The following HTR4 variants were observed in gnomAD, a reference collection of about 807,000 sequenced individuals.
HTR4 encodes the protein 5-hydroxytryptamine receptor 4, also known as 5-hydroxytryptamine (serotonin) receptor 4, G protein-coupled.
HTR4 carries 16 observed loss-of-function variants against 36.8 expected under a neutral mutation model. That is an observed-to-expected ratio of 0.43 (90% CI 0.29 to 0.66). The LOEUF (loss-of-function observed/expected upper bound fraction) is 0.66. HTR4 is among the 30% of genes least tolerant of loss of function. HTR4 has a pLI of 0.13. For missense variants in HTR4, 438 were observed against 490.9 expected (o/e 0.89, Z 1.02); for synonymous variants, 189 against 185.1 (o/e 1.02, Z -0.17).
intron 2 of HTR4, among the ~76,000 whole-genome samples, chr5:148,560,116 T>G (rs1760130005): frequency 6.6e-6 from 1 of 151,792 alleles, no homozygotes; most frequent in Non-Finnish European, 1.5e-5. Flanking sequence ...ATTTGGCTTA[T>G]ATTACTTTGG....
intron 1 of HTR4, among the ~76,000 whole-genome samples, chr5:148,643,789 A>G (rs190984066): frequency 1.6e-3 from 244 of 152,328 alleles, no homozygotes; most frequent in African/African-American, 5.4e-3. Flanking sequence ...GATCATTTCA[A>G]TCATCAGTGC....
chr5:148,484,406 T>A (rs1227332844), intron 6 of HTR4: 1 of 1,597,306 alleles, frequency 6.3e-7, no homozygotes, highest in Non-Finnish European at 8.5e-7. Context: ...TTATTTGGCA[T>A]GAATTATTAT....
At chr5:148,468,076 A>C (rs1053099115) in intron 5 of HTR4, among the ~76,000 whole-genome samples, 1 of 152,240 alleles carries the variant, frequency 6.6e-6, no homozygotes, top group Admixed American at 6.5e-5. Context: ...AGCCTGGGAT[A>C]GAGCTGAGGT....
chr5:148,599,553 GA>G (rs1296399186), intron 2 of HTR4, among the ~76,000 whole-genome samples: 1 of 150,220 alleles, frequency 6.7e-6, no homozygotes, highest in Non-Finnish European at 1.5e-5. Flanking sequence ...CTTCAAAAGT[GA>G]AAAAAAATGA....
At chr5:148,619,737 A>T (rs1752845330) in intron 2 of HTR4, among the ~76,000 whole-genome samples, 1 of 152,210 alleles carries the variant, frequency 6.6e-6, no homozygotes, top group Admixed American at 6.5e-5. Context: ...CCAAGATTGT[A>T]GAAGCTGTAG....
intron 5 of HTR4, among the ~76,000 whole-genome samples, chr5:148,454,587 A>G (rs1304578874): frequency 1.3e-5 from 2 of 152,206 alleles, no homozygotes; most frequent in African/African-American, 2.4e-5. Context: ...CTCAAGATAT[A>G]GAAGCCTCCC....
chr5:148,636,847 T>C, intron 2 of HTR4, 142 bp downstream of exon 2: 1 of 586,578 alleles, frequency 1.7e-6, no homozygotes, highest in South Asian at 2.6e-5. Context: ...AATCAAACAG[T>C]ACTGTGAACA....
At chr5:148,630,517 G>C (rs1213010581) in intron 2 of HTR4, 1 of 152,128 alleles carries the variant, frequency 6.6e-6, no homozygotes, top group Non-Finnish European at 1.5e-5. Flanking sequence ...TCATCTTTGG[G>C]AGCCTTTGTT....
intron 5 of HTR4, among the ~76,000 whole-genome samples, chr5:148,510,779 G>T (rs1253973022): frequency 6.6e-6 from 1 of 152,198 alleles, no homozygotes; most frequent in African/African-American, 2.4e-5. Context: ...ATGAAGGTTT[G>T]TCTCATTTAG....
At chr5:148,490,516 T>G (rs781748507) in intron 6 of HTR4, 530 of 1,056,150 alleles carry the variant, frequency 5.0e-4, no homozygotes, top group Non-Finnish European at 5.9e-4. Flanking sequence ...TACACTTAAC[T>G]GCACTGTGGG....
intron 2 of HTR4, chr5:148,628,413 G>A (rs892127132): frequency 6.6e-6 from 1 of 152,190 alleles, no homozygotes; most frequent in Non-Finnish European, 1.5e-5. Context: ...ACCATAGCAA[G>A]TCCTTCTTAT....
At chr5:148,476,784 A>G, downstream of HTR4, 4 of 1,612,980 alleles carry the variant, frequency 2.5e-6, no homozygotes, top group Non-Finnish European at 3.4e-6. Flanking sequence ...TTAATGAACC[A>G]CACTGAAAAG....
rs370506887 is a variant in HTR4 at position 148,654,426 on chromosome 5, G to C, written c.-412C>G. On this transcript the variant is annotated 5_prime_UTR_variant, in exon 1 of 7. Coordinates refer to ENST00000377888, the MANE Select transcript of HTR4 (RefSeq NM_000870.7). ...GGGACAGCGGGGGTGCCGCTCTGCCGGCAGGGCGCACAGGGGAGTGGGCAC... is the reference window on the plus strand; with the variant it reads ...GGGACAGCGGGGGTGCCGCTCTGCCCGCAGGGCGCACAGGGGAGTGGGCAC... 46 of 985,384 alleles carry C rather than the reference G, an allele frequency of 4.7e-5. No homozygotes were observed. The highest frequency in any genetic ancestry group is 1.8e-4 in the Admixed American group (3 of 16,270). The allele number at this position is 985,384 out of a possible 1,614,324, so 61.0% of individuals were successfully genotyped here.
At chr5:148,563,819 T>C (rs1053435278) in intron 2 of HTR4, among the ~76,000 whole-genome samples, 2 of 152,194 alleles carry the variant, frequency 1.3e-5, no homozygotes, top group African/African-American at 4.8e-5. Flanking sequence ...AAATACTACA[T>C]CATTCTATAT....
chr5:148,584,686 C>G (rs1761284223), intron 2 of HTR4, among the ~76,000 whole-genome samples: 1 of 152,162 alleles, frequency 6.6e-6, no homozygotes. Context: ...AAGCTACTCT[C>G]TTTTTCAACC....
chr5:148,628,373 G>C (rs983348511), intron 2 of HTR4: 1 of 152,230 alleles, frequency 6.6e-6, no homozygotes, highest in African/African-American at 2.4e-5. Flanking sequence ...AGTGAGATCA[G>C]ATAGGTCACA....
At chr5:148,543,855 G>A (rs1173728554) in intron 4 of HTR4, among the ~76,000 whole-genome samples, 1 of 152,184 alleles carries the variant, frequency 6.6e-6, no homozygotes, top group African/African-American at 2.4e-5. Flanking sequence ...GGCTCCCTTA[G>A]AGGGAGATGT....
chr5:148,624,629 C>A (rs971004518), intron 2 of HTR4, among the ~76,000 whole-genome samples: 5 of 152,174 alleles, frequency 3.3e-5, no homozygotes, highest in African/African-American at 1.2e-4. Flanking sequence ...GCCTTTTCAA[C>A]CTCAAATAGA....
intron 6 of HTR4, among the ~76,000 whole-genome samples, chr5:148,491,356 T>C (rs1172000432): frequency 6.6e-6 from 1 of 152,048 alleles, no homozygotes; most frequent in Non-Finnish European, 1.5e-5. Context: ...TAAGAATGTA[T>C]GAGGATTAAA....
Sources: allele counts gnomAD v4.1 joint callset (sites outside exome capture counted in the v4.1 genomes callset), GRCh38; gene constraint gnomAD v4.1.1; transcripts MANE v1.5; gene names NCBI Gene and HGNC (gene_info 2026-07-23, HGNC 2026-07-21).